The following SLC30A3 variants were observed in gnomAD, a reference collection of about 807,000 sequenced individuals.
The protein encoded by SLC30A3 is probable proton-coupled zinc antiporter SLC30A3.
A neutral mutation model predicts 35.6 loss-of-function variants in SLC30A3; 20 were observed. The observed-to-expected ratio is 0.56, with a 90% CI of 0.39 to 0.82. The LOEUF is 0.82. Among genes scored for constraint, SLC30A3 ranks in the 40% least tolerant of loss-of-function variants. SLC30A3 has a pLI of 0.00. For synonymous variants in SLC30A3, 217 were observed against 224.7 expected (o/e 0.97, Z 0.31); for missense variants, 401 against 530.6 (o/e 0.76, Z 2.40).
In SLC30A3 at chr2:27,262,547, G is replaced by C. The variant is rs1003753660; in HGVS notation, c.95+265C>G. On this transcript the variant is annotated intron_variant, in intron 1 of 7. Transcript: ENST00000233535. The surrounding 1 kb of genome is among the most constrained non-coding windows in gnomAD (Gnocchi z 7.5). Reference sequence around the variant, plus strand: ...AGGCAGGCGCCGCGGGGGTGGCGGAGGGGTCCGGCGGCCTGGGACGCCGGC... The same window carrying C: ...AGGCAGGCGCCGCGGGGGTGGCGGACGGGTCCGGCGGCCTGGGACGCCGGC... 2.6e-5 allele frequency among the ~76,000 whole-genome samples: 4 copies of C among 152,088 alleles called. No individual in the cohort carries two copies. The highest frequency in any genetic ancestry group is 5.9e-5 in the Non-Finnish European group (4 of 67,988).
chr2:27,264,650 C>A (rs2148142132), upstream of SLC30A3, among the ~76,000 whole-genome samples: 1 of 152,294 alleles, frequency 6.6e-6, no homozygotes, highest in Non-Finnish European at 1.5e-5. The surrounding 1 kb of genome is among the most constrained non-coding windows in gnomAD (Gnocchi z 6.1). Flanking sequence ...GCGCCAGCCC[C>A]CAGCCTCCCC....
In SLC30A3 at chr2:27,262,338, C is replaced by T. The variant is rs1267926225; in HGVS notation, c.95+474G>A. ...ACCCGCGCGGAGCCCGGCCCATCCT[C>T]GGGCCCCGGCGCCCACAGCTGGCCG... On this transcript the variant is annotated intron_variant, in intron 1 of 7. Transcript: ENST00000233535. The surrounding 1 kb of genome is among the most constrained non-coding windows in gnomAD (Gnocchi z 7.5). Among the ~76,000 whole-genome samples the T allele has an allele frequency of 6.6e-6, 1 of 151,810 alleles. No homozygotes were observed. Among genetic ancestry groups the T allele is most frequent in the African/African-American group, 2.4e-5 (1 of 41,402 alleles).
chr2:27,262,681 G>A lies in SLC30A3; in HGVS notation c.95+131C>T. On this transcript the variant is annotated intron_variant, in intron 1 of 7. Transcript: ENST00000233535. This position sits in a 1 kb window ranked among gnomAD's most constrained non-coding sequence, Gnocchi z 7.5. ...CGTGTGGCCAGAGGGGATGAAGCGG[G>A]GTGCAGCGGAGCGAGGGACCCGCGG... is the stretch of plus-strand genomic sequence containing the variant. The A allele has an allele frequency of 1.2e-6, 1 of 856,500 alleles. No homozygotes were observed. The allele number at this position is 856,500 out of a possible 1,614,324, so 53.1% of individuals were successfully genotyped here. A position where few individuals can be genotyped will look rare whatever the true frequency, so the allele number is the denominator to read the frequency against.
chr2:27,256,227 T>A, intron 7 of SLC30A3, 159 bp downstream of exon 7: 1 of 541,556 alleles, frequency 1.8e-6, no homozygotes. Context: ...CGCACGTGCA[T>A]GTGTGTGTGT....
chr2:27,273,028 A>T (rs1332464403), intron 1 of SLC30A3, among the ~76,000 whole-genome samples: 1 of 143,866 alleles, frequency 7.0e-6, no homozygotes, highest in Non-Finnish European at 1.5e-5. Context: ...CCAGACTAAG[A>T]CCTTGTCTCA....
At chr2:27,256,143 TTCA>T (rs1676833956) in intron 7 of SLC30A3, 3 of 548,546 alleles carry the variant, frequency 5.5e-6, no homozygotes, top group Non-Finnish European at 9.8e-6. Flanking sequence ...CCTGTGCTAC[TTCA>T]AAGAGGGTGA....
In SLC30A3 at chr2:27,258,567, C is replaced by G; in HGVS notation, c.277+186G>C. 1.4e-6 allele frequency: 1 copy of G among 701,846 alleles called. No homozygotes were observed. Among genetic ancestry groups the G allele is most frequent in the East Asian group, 2.8e-5 (1 of 35,788 alleles). 43.5% of individuals were successfully genotyped at this position (701,846 alleles called of 1,614,324 possible). On this transcript the variant is annotated intron_variant, in intron 2 of 7. Transcript: ENST00000233535. This position sits in a 1 kb window ranked among gnomAD's most constrained non-coding sequence, Gnocchi z 4.0. ...GCCCTGACCTACTGGCCCCGGACCT[C>G]GGCTGGAATTCCCTTTGTTGCTGTC... is the stretch of plus-strand genomic sequence containing the variant.
rs748008453 is a variant in SLC30A3, at chr2:27,256,834, T to C, written c.837A>G (p.Gly279=). Residue 279 remains glycine, a synonymous_variant, in exon 6 of 8, where the codon GGA becomes GGG. Transcript: ENST00000233535. ...CGTCTCGGAGGGTGGGAGCGGTGGATCCAAGGGCACAGATGGAGAAGAGGA... is the reference window on the plus strand; with the variant it reads ...CGTCTCGGAGGGTGGGAGCGGTGGACCCAAGGGCACAGATGGAGAAGAGGA... ...STFLFSICAL[G]STAPTLRDVL... 4 of 1,605,798 alleles carry C rather than the reference T, an allele frequency of 2.5e-6. No individual in the cohort carries two copies. In the East Asian group the frequency reaches 8.9e-5, roughly 36 times the overall value.
chr2:27,266,200 C>T (rs139902129), upstream of SLC30A3, among the ~76,000 whole-genome samples: 34 of 152,176 alleles, frequency 2.2e-4, no homozygotes, highest in East Asian at 6.6e-3. Flanking sequence ...GCTGGGACTA[C>T]AGGTGTGAGC....
Position 27,254,944 on chromosome 2 carries a change from C to T in SLC30A3, c.*368G>A. 1 of 685,364 alleles carries T rather than the reference C, an allele frequency of 1.5e-6. No individual in the cohort carries two copies. The highest frequency in any genetic ancestry group is 1.9e-5 in the South Asian group (1 of 52,932). 42.5% of individuals were successfully genotyped at this position (685,364 alleles called of 1,614,324 possible). A position where few individuals can be genotyped will look rare whatever the true frequency, so the allele number is the denominator to read the frequency against. On this transcript the variant is annotated 3_prime_UTR_variant, in exon 8 of 8. Transcript: ENST00000233535. ...CCAACAGCACATAGACAGGCAGATG[C>T]CCCCAGCCAGCCAGCCTGCCACACA...
At position 27,255,958 on chromosome 2, in the gene SLC30A3, C is replaced by T. The variant is rs1473304465; in HGVS notation, c.1018+428G>A. ...CATAATGTAGATGCAATTTTATATT[C>T]AGCTTTTTTCTCAGCATTATACCAT... is the stretch of plus-strand genomic sequence containing the variant. On this transcript the variant is annotated intron_variant, in intron 7 of 7. Coordinates refer to ENST00000233535, the MANE Select transcript of SLC30A3 (RefSeq NM_003459.5). The surrounding 1 kb of genome is among the most constrained non-coding windows in gnomAD (Gnocchi z 5.2). 1 of 207,916 alleles carries T rather than the reference C, an allele frequency of 4.8e-6. No homozygotes were observed. The highest frequency in any genetic ancestry group is 9.7e-6 in the Non-Finnish European group (1 of 102,790). The allele number at this position is 207,916 out of a possible 1,614,324, so 12.9% of individuals were successfully genotyped here.
chr2:27,256,089 C>T (rs1676829815), intron 7 of SLC30A3: 4 of 425,362 alleles, frequency 9.4e-6, no homozygotes, highest in Non-Finnish European at 1.7e-5. Flanking sequence ...TGCCCCATCA[C>T]TAGACCTGTA....
Position 27,258,817 on chromosome 2 carries a change from A to T in SLC30A3, c.213T>A (p.His71Gln). 2 of 1,614,260 alleles carry T rather than the reference A, an allele frequency of 1.2e-6. No homozygotes were observed. Among genetic ancestry groups the T allele is most frequent in the Non-Finnish European group, 1.7e-6 (2 of 1,180,034 alleles). ...AGGCAGCATATAGCTGCCTCCGTGC[A>T]TGCAGCCTCTCAGGGGTAAGGCCCG... ...PPPGLTPERL[H>Q]ARRQLYAACA... Residue 71 changes from histidine to glutamine, a missense_variant, in exon 2 of 8, where the codon CAT becomes CAA. Coordinates refer to ENST00000233535, the MANE Select transcript of SLC30A3 (RefSeq NM_003459.5). The surrounding 1 kb of genome is among the most constrained non-coding windows in gnomAD (Gnocchi z 4.0).
In SLC30A3 at chr2:27,255,188, G is replaced by T; in HGVS notation, c.*124C>A. The T allele has an allele frequency of 6.3e-7, 1 of 1,596,466 alleles. No individual in the cohort carries two copies. The highest frequency in any genetic ancestry group is 1.1e-5 in the South Asian group (1 of 90,028). ...GCTGAGGCTGGGGAAACTGGCAGGT[G>T]GTAGGAGGGAGAGAGGAAGGGGTAT... On this transcript the variant is annotated 3_prime_UTR_variant, in exon 8 of 8. Coordinates refer to ENST00000233535, the MANE Select transcript of SLC30A3 (RefSeq NM_003459.5). This position sits in a 1 kb window ranked among gnomAD's most constrained non-coding sequence, Gnocchi z 5.2.
Position 27,257,051 on chromosome 2 carries a change from G to A in SLC30A3, c.777+103C>T, listed in dbSNP as rs1558557485. ...TGGGAGAGTCCTGGGAGGTGGGAGGGAGGAGCTGGAGGGAGGAGGAAGGAA... is the reference window on the plus strand; with the variant it reads ...TGGGAGAGTCCTGGGAGGTGGGAGGAAGGAGCTGGAGGGAGGAGGAAGGAA... On this transcript the variant is annotated intron_variant, in intron 5 of 7. Transcript: ENST00000233535. This position sits in a 1 kb window ranked among gnomAD's most constrained non-coding sequence, Gnocchi z 4.7. 8.1e-7 allele frequency: 1 copy of A among 1,236,738 alleles called. No homozygotes were observed. Among genetic ancestry groups the A allele is most frequent in the Non-Finnish European group, 1.2e-6 (1 of 842,778 alleles). The allele number at this position is 1,236,738 out of a possible 1,614,324, so 76.6% of individuals were successfully genotyped here. A position where few individuals can be genotyped will look rare whatever the true frequency, so the allele number is the denominator to read the frequency against.
intron 1 of SLC30A3, among the ~76,000 whole-genome samples, chr2:27,268,620 G>A (rs1382906114): frequency 6.6e-6 from 1 of 152,124 alleles, no homozygotes; most frequent in African/African-American, 2.4e-5. Context: ...AAGCGTGGTG[G>A]CGGGCGCCTG....
rs1247111690 is a variant in SLC30A3 at position 27,255,505 on chromosome 2, G to C, written c.1019-45C>G. 3 of 1,599,242 alleles carry C rather than the reference G, an allele frequency of 1.9e-6. No homozygotes were observed. The highest frequency in any genetic ancestry group is 1.8e-5 in the Admixed American group (1 of 56,704). ...GGCGGCATCCATCCCGGGGGAGAAA[G>C]AACAGGCAGGGACTGAGATAAGGAC... On this transcript the variant is annotated intron_variant, in intron 7 of 7. Coordinates refer to ENST00000233535, the MANE Select transcript of SLC30A3 (RefSeq NM_003459.5). This position sits in a 1 kb window ranked among gnomAD's most constrained non-coding sequence, Gnocchi z 5.2.
upstream of SLC30A3, chr2:27,264,041 G>GCTT: frequency 9.3e-6 from 12 of 1,288,648 alleles, 1 homozygote; most frequent in South Asian, 1.4e-4. The surrounding 1 kb of genome is among the most constrained non-coding windows in gnomAD (Gnocchi z 6.1). Flanking sequence ...TCAAGTCGAA[G>GCTT]CTTCAAATGC....
chr2:27,257,950 C>G lies in SLC30A3; in HGVS notation c.533G>C (p.Gly178Ala). Residue 178 changes from glycine to alanine, a missense_variant, in exon 4 of 8, where the codon GGT (glycine) becomes GCT (alanine). Transcript: ENST00000233535. The surrounding 1 kb of genome is among the most constrained non-coding windows in gnomAD (Gnocchi z 4.7). ...GATGCTGGCGGTCAGCAGCATGGCACCCCCCTCGATGTGGTAGTCGCTGTG... is the reference window on the plus strand; with the variant it reads ...GATGCTGGCGGTCAGCAGCATGGCAGCCCCCTCGATGTGGTAGTCGCTGTG... ...LLHSDYHIEG[G>A]AMLLTASIAV... The G allele has an allele frequency of 6.2e-7, 1 of 1,614,098 alleles. No individual in the cohort carries two copies. Among genetic ancestry groups the G allele is most frequent in the South Asian group, 1.1e-5 (1 of 91,068 alleles).
Sources: gnomAD v4.1 joint callset for allele counts (sites outside exome capture counted in the v4.1 genomes callset) on GRCh38, gnomAD v4.1.1 for gene constraint, Gnocchi (gnomAD v3.1) non-coding constraint, MANE v1.5 for transcripts, NCBI Gene and HGNC (gene_info 2026-07-23, HGNC 2026-07-21) for gene names.